The following AIF1 variants were observed in gnomAD, a reference collection of about 807,000 sequenced individuals.
AIF1 encodes interferon gamma responsive transcript.
Under a neutral mutation model 20.6 loss-of-function variants are expected in AIF1, and 21 were observed. The ratio of observed to expected loss-of-function variants is 1.02; its 90% CI spans 0.72 to 1.47. AIF1 has a LOEUF of 1.47. AIF1 is among the 40% of genes most tolerant of loss of function. AIF1 has a pLI of 0.00. For missense variants in AIF1, 161 were observed against 170.5 expected, an observed-to-expected ratio of 0.94 and a Z score of 0.31; for synonymous variants, 52 against 65.8, an observed-to-expected ratio of 0.79 and a Z score of 1.01.
At chr6:31,615,457 G>C in intron 1 of AIF1, 64 bp from the exon 2 acceptor site, 2 of 1,613,602 alleles carry the variant, frequency 1.2e-6, no homozygotes, top group South Asian at 2.2e-5. Context: ...GGTAGCCCGG[G>C]CTGGTGTCAG....
In AIF1 at chr6:31,616,314, C is replaced by T; in HGVS notation, c.197-30C>T. On this transcript the variant is annotated intron_variant, in intron 4 of 5. Transcript: ENST00000376059. The surrounding 1 kb of genome is among the most constrained non-coding windows in gnomAD (Gnocchi z 4.0). ...GAGAGGAGAGAGAGGGTCTCCCCAC[C>T]TTCTCCCCATCCCCATCCTCTGCCC... 6.2e-7 allele frequency: 1 copy of T among 1,612,930 alleles called. No individual in the cohort carries two copies. The highest frequency in any genetic ancestry group is 8.5e-7 in the Non-Finnish European group (1 of 1,179,968).
chr6:31,615,625 G>A (rs767486256), intron 2 of AIF1, 43 bp downstream of exon 2: 17 of 1,613,202 alleles, frequency 1.1e-5, no homozygotes, highest in South Asian at 5.5e-5. Context: ...GGGATGGGGC[G>A]TGGATGGGGA....
intron 2 of AIF1, 40 bp from the exon 3 acceptor site, chr6:31,615,630 T>C: frequency 6.2e-7 from 1 of 1,611,800 alleles, no homozygotes; most frequent in Middle Eastern, 1.7e-4. Flanking sequence ...GGGGCGTGGA[T>C]GGGGAGGGCC....
At chr6:31,615,398 A>C in intron 1 of AIF1, 44 bp downstream of exon 1, 1 of 1,613,468 alleles carries the variant, frequency 6.2e-7, no homozygotes, top group South Asian at 1.1e-5. Flanking sequence ...CGGAGGAATG[A>C]GATGGACAGA....
At chr6:31,615,956 C>T in intron 3 of AIF1, 148 bp from the exon 4 acceptor site, 1 of 1,492,358 alleles carries the variant, frequency 6.7e-7, no homozygotes, top group South Asian at 1.4e-5. Flanking sequence ...GGCCCCTCAA[C>T]TCCCCAACCC....
At position 31,616,448 on chromosome 6, in the gene AIF1, T is replaced by G; in HGVS notation, c.301T>G (p.Phe101Val). The G allele has an allele frequency of 6.2e-7, 1 of 1,612,974 alleles. No homozygotes were observed. The highest frequency in any genetic ancestry group is 8.5e-7 in the Non-Finnish European group (1 of 1,179,956). ...GGTGTCCAGTGGCTCCGGGGAGACG[T>G]TCAGCTACCCTGACTTTCTCAGGAT... The part of the protein sequence containing the change: ...GEVSSGSGET[F>V]SYPDFLRMML... Residue 101 changes from phenylalanine (F) to valine (V), a missense_variant, in exon 5 of 6, where the codon TTC (phenylalanine) becomes GTC (valine). Physicochemically the swap from Phe to Val is conservative, Grantham distance 50. Transcript: ENST00000376059. The surrounding 1 kb of genome is among the most constrained non-coding windows in gnomAD (Gnocchi z 4.0).
chr6:31,616,981 GA>G lies in AIF1; in HGVS notation c.*82del. On this transcript the variant is annotated 3_prime_UTR_variant, in exon 6 of 6. Transcript: ENST00000376059. This position sits in a 1 kb window ranked among gnomAD's most constrained non-coding sequence, Gnocchi z 4.0. ...AAACAGAAGACAAAATTGTAAGCCAGAGTCAACAAATTAAATAAATTACCCC... is the reference window on the plus strand; with the variant it reads ...AAACAGAAGACAAAATTGTAAGCCAGGTCAACAAATTAAATAAATTACCCC... The G allele has an allele frequency of 6.4e-7, 1 of 1,572,850 alleles. No homozygotes were observed. The highest frequency in any genetic ancestry group is 8.7e-7 in the Non-Finnish European group (1 of 1,154,770).
At position 31,616,209 on chromosome 6, in the gene AIF1, C is replaced by T. The variant is rs752066981; in HGVS notation, c.196+64C>T. On this transcript the variant is annotated intron_variant, in intron 4 of 5. Transcript: ENST00000376059. This position sits in a 1 kb window ranked among gnomAD's most constrained non-coding sequence, Gnocchi z 4.0. ...AGGCCTAAGAAGACAGAGGTCTCTC[C>T]TACATGCTCCATTCCTCATGATTTG... 1 of 1,613,190 alleles carries T rather than the reference C, an allele frequency of 6.2e-7. No homozygotes were observed. The highest frequency in any genetic ancestry group is 1.1e-5 in the South Asian group (1 of 91,062).
intron 2 of AIF1, 34 bp from the exon 3 acceptor site, chr6:31,615,636 G>A: frequency 1.2e-6 from 2 of 1,613,328 alleles, no homozygotes; most frequent in South Asian, 2.2e-5. Context: ...TGGATGGGGA[G>A]GGCCTACCCT....
At chr6:31,615,787 A>G in intron 3 of AIF1, 51 bp downstream of exon 3, 1 of 1,578,326 alleles carries the variant, frequency 6.3e-7, no homozygotes, top group South Asian at 1.1e-5. Context: ...TAGGAGGGTT[A>G]GGATTTCCAC....
chr6:31,616,779 G>A lies in AIF1; in HGVS notation c.360-37G>A. On this transcript the variant is annotated intron_variant, in intron 5 of 5. Transcript: ENST00000376059. This position sits in a 1 kb window ranked among gnomAD's most constrained non-coding sequence, Gnocchi z 4.0. ...TATGATTTATTCCCTTGAGAGGAGTGTTCCCTGATCCCTGTGCCTCTTCCC... is the reference window on the plus strand; with the variant it reads ...TATGATTTATTCCCTTGAGAGGAGTATTCCCTGATCCCTGTGCCTCTTCCC... The A allele has an allele frequency of 6.2e-7, 1 of 1,613,828 alleles. No individual in the cohort carries two copies. The highest frequency in any genetic ancestry group is 8.5e-7 in the Non-Finnish European group (1 of 1,179,878).
chr6:31,615,315 A>G lies in AIF1; in HGVS notation c.-15A>G. 6 of 1,600,816 alleles carry G rather than the reference A, an allele frequency of 3.7e-6. No homozygotes were observed. Among genetic ancestry groups the G allele is most frequent in the Non-Finnish European group, 5.1e-6 (6 of 1,173,120 alleles). ...CTTGGTCTGTCTCCCCACCTCTACC[A>G]GCATCTGCTGAGCTATGAGCCAAAC... On this transcript the variant is annotated 5_prime_UTR_variant, in exon 1 of 6. Coordinates refer to ENST00000376059, the MANE Select transcript of AIF1 (RefSeq NM_001623.5).
At position 31,616,046 on chromosome 6, in the gene AIF1, C is replaced by A. The variant is rs1774319088; in HGVS notation, c.155-58C>A. The A allele has an allele frequency of 2.6e-6, 4 of 1,528,560 alleles. No homozygotes were observed. The East Asian group carries it at 9.1e-5, about 35-fold the overall frequency. 94.7% of individuals were successfully genotyped at this position (1,528,560 alleles called of 1,614,324 possible). On this transcript the variant is annotated intron_variant, in intron 3 of 5. Coordinates refer to ENST00000376059, the MANE Select transcript of AIF1 (RefSeq NM_001623.5). The surrounding 1 kb of genome is among the most constrained non-coding windows in gnomAD (Gnocchi z 4.0). ...GTTGGTTGGCAACCCCTTCCTCAGT[C>A]CCCTGCTGAAAACCCTCCAGTCAGC...
Position 31,616,069 on chromosome 6 carries a change from A to C in AIF1, c.155-35A>C. 6.5e-7 allele frequency: 1 copy of C among 1,539,362 alleles called. No homozygotes were observed. Among genetic ancestry groups the C allele is most frequent in the African/African-American group, 1.4e-5 (1 of 72,652 alleles). ...GTCCCCTGCTGAAAACCCTCCAGTC[A>C]GCGCTTATCCCTTCTGCTCTCTCCC... On this transcript the variant is annotated intron_variant, in intron 3 of 5. Coordinates refer to ENST00000376059, the MANE Select transcript of AIF1 (RefSeq NM_001623.5). This position sits in a 1 kb window ranked among gnomAD's most constrained non-coding sequence, Gnocchi z 4.0.
At chr6:31,615,474 G>C in intron 1 of AIF1, 47 bp from the exon 2 acceptor site, 1 of 1,613,896 alleles carries the variant, frequency 6.2e-7, no homozygotes, top group Non-Finnish European at 8.5e-7. Context: ...TCAGGGTAAG[G>C]AGAGGAAGGG....
intron 1 of AIF1, 71 bp downstream of exon 1, chr6:31,615,425 G>A: frequency 6.2e-7 from 1 of 1,613,582 alleles, no homozygotes; most frequent in East Asian, 2.2e-5. Flanking sequence ...CTGTGGGCTA[G>A]GAGGGCAGTC....
chr6:31,615,776 G>T, intron 3 of AIF1, 40 bp downstream of exon 3: 1 of 1,587,446 alleles, frequency 6.3e-7, no homozygotes, highest in African/African-American at 1.3e-5. Flanking sequence ...AGGGCTGGGG[G>T]TAGGAGGGTT....
Position 31,616,246 on chromosome 6 carries a change from A to ATGATT in AIF1, c.197-98_197-97insTGATT. 6.2e-7 allele frequency: 1 copy of ATGATT among 1,612,996 alleles called. No homozygotes were observed. Among genetic ancestry groups the ATGATT allele is most frequent in the Non-Finnish European group, 8.5e-7 (1 of 1,179,962 alleles). On this transcript the variant is annotated intron_variant, in intron 4 of 5. Coordinates refer to ENST00000376059, the MANE Select transcript of AIF1 (RefSeq NM_001623.5). This position sits in a 1 kb window ranked among gnomAD's most constrained non-coding sequence, Gnocchi z 4.0. ...TTCCTCATGATTTGGGAGGGGGCCC[A>ATGATT]CCTACCACAGTGGGAGGAAGGAGAA... is the stretch of plus-strand genomic sequence containing the variant.
At chr6:31,615,624 C>A (rs774225441) in intron 2 of AIF1, 42 bp downstream of exon 2, 22 of 1,612,628 alleles carry the variant, frequency 1.4e-5, no homozygotes, top group Non-Finnish European at 1.9e-5. Flanking sequence ...GGGGATGGGG[C>A]GTGGATGGGG....
Sources: allele counts gnomAD v4.1 joint callset, GRCh38; gene constraint gnomAD v4.1.1; non-coding constraint Gnocchi (gnomAD v3.1); transcripts MANE v1.5; gene names NCBI Gene and HGNC (gene_info 2026-07-23, HGNC 2026-07-21).